CYRIB: variants seen among roughly 807,000 people sequenced by gnomAD.
CYRIB encodes CYFIP related Rac1 interactor B.
Under a neutral mutation model 44.2 loss-of-function variants are expected in CYRIB, and 8 were observed. The observed-to-expected ratio is 0.18, with a 90% CI of 0.11 to 0.33. The LOEUF (loss-of-function observed/expected upper bound fraction) is 0.33, where lower values mean the gene tolerates loss of function less well. CYRIB is among the 10% of genes least tolerant of loss of function. CYRIB has a pLI of 1.00. For synonymous variants in CYRIB, 131 were observed against 127.2 expected, an observed-to-expected ratio of 1.03 and a Z score of -0.20; for missense variants, 185 against 382.8, an observed-to-expected ratio of 0.48 and a Z score of 4.31.
intron 3 of CYRIB, among the ~76,000 whole-genome samples, chr8:129,874,626 A>AT (rs901399773): frequency 1.3e-5 from 2 of 152,100 alleles, no homozygotes; most frequent in African/African-American, 4.8e-5. Context: ...TCTGTAATAC[A>AT]TTTTGAATGA....
chr8:129,985,671 T>C (rs963490496), intron 1 of CYRIB, among the ~76,000 whole-genome samples: 1 of 151,362 alleles, frequency 6.6e-6, no homozygotes, highest in South Asian at 2.1e-4. Flanking sequence ...TCAGAGCAAA[T>C]AGAGTGAGTG....
At chr8:129,931,640 T>C (rs928864698) in intron 1 of CYRIB, among the ~76,000 whole-genome samples, 1 of 152,168 alleles carries the variant, frequency 6.6e-6, no homozygotes, top group African/African-American at 2.4e-5. Flanking sequence ...AGGAACTTTT[T>C]TTTTGAGACA....
At chr8:129,847,683 T>C (rs1163785832) in intron 10 of CYRIB, among the ~76,000 whole-genome samples, 1 of 152,174 alleles carries the variant, frequency 6.6e-6, no homozygotes, top group Non-Finnish European at 1.5e-5. Flanking sequence ...TTTTAAAAGG[T>C]AACCACTTGA....
chr8:129,909,033 C>T (rs562787795), intron 1 of CYRIB, among the ~76,000 whole-genome samples: 1 of 152,174 alleles, frequency 6.6e-6, no homozygotes, highest in Non-Finnish European at 1.5e-5. Context: ...CTAAAGCAAT[C>T]CCCCCATCTC....
chr8:129,842,576 G>A (rs1019671880), intron 11 of CYRIB, among the ~76,000 whole-genome samples: 1 of 152,204 alleles, frequency 6.6e-6, no homozygotes, highest in African/African-American at 2.4e-5. Context: ...TGGACTGTGA[G>A]CTAATTCTAT....
At chr8:129,893,317 A>G (rs1308611514) in intron 2 of CYRIB, among the ~76,000 whole-genome samples, 1 of 152,244 alleles carries the variant, frequency 6.6e-6, no homozygotes, top group Non-Finnish European at 1.5e-5. Flanking sequence ...AATACTGAAT[A>G]TCTGGTGCTG....
chr8:129,883,338 A>C (rs1217717470), intron 2 of CYRIB, among the ~76,000 whole-genome samples: 1 of 151,924 alleles, frequency 6.6e-6, no homozygotes, highest in Non-Finnish European at 1.5e-5. Flanking sequence ...AGATACCGCC[A>C]AATATCTCCT....
chr8:129,888,256 C>T (rs1272055060), intron 2 of CYRIB, among the ~76,000 whole-genome samples: 4 of 152,158 alleles, frequency 2.6e-5, no homozygotes, highest in South Asian at 4.1e-4. Context: ...CCATGTAAGA[C>T]GTGCCACCTT....
At position 129,855,598 on chromosome 8, in the gene CYRIB, T is replaced by C. The variant is rs374178710; in HGVS notation, c.438+13A>G. 1.2e-5 allele frequency: 20 copies of C among 1,613,770 alleles called. No homozygotes were observed. The highest frequency in any genetic ancestry group is 1.6e-4 in the Middle Eastern group (1 of 6,076). The stretch of plus-strand genomic sequence containing the variant: ...TGATTTTCGTAACAATCAGGGCCAA[T>C]AGATAATTCTACCTTGAGTTCATCA... On this transcript the variant is annotated intron_variant, in intron 6 of 11. Coordinates refer to ENST00000519824, the Ensembl canonical transcript of CYRIB.
intron 1 of CYRIB, among the ~76,000 whole-genome samples, chr8:129,923,340 T>C (rs1224880517): frequency 6.7e-6 from 1 of 150,062 alleles, no homozygotes; most frequent in Non-Finnish European, 1.5e-5. Context: ...AATGGTACAA[T>C]CTCGGCTCAC....
chr8:129,851,510 A>T (rs2043230684), intron 8 of CYRIB: 1 of 152,468 alleles, frequency 6.6e-6, no homozygotes, highest in Non-Finnish European at 1.5e-5. Flanking sequence ...GAGGTATAGA[A>T]AGGAATTTAG....
intron 10 of CYRIB, chr8:129,847,414 A>C (rs186587209): frequency 6.6e-6 from 1 of 152,478 alleles, no homozygotes; most frequent in Non-Finnish European, 1.5e-5. Context: ...CAGTGAGCCG[A>C]GATCGCACTA....
At chr8:129,852,886 T>C (rs941626481) in intron 7 of CYRIB, among the ~76,000 whole-genome samples, 2 of 152,220 alleles carry the variant, frequency 1.3e-5, no homozygotes, top group Non-Finnish European at 2.9e-5. Flanking sequence ...ATATTTTTCT[T>C]CCATGTGGAA....
chr8:129,961,298 C>G (rs186536059), intron 2 of CYRIB, among the ~76,000 whole-genome samples: 1 of 152,256 alleles, frequency 6.6e-6, no homozygotes, highest in East Asian at 1.9e-4. Context: ...GGTTCAGAAA[C>G]GGGAGTCATC....
intron 1 of CYRIB, among the ~76,000 whole-genome samples, chr8:129,933,026 G>A (rs1468020187): frequency 6.6e-6 from 1 of 152,094 alleles, no homozygotes; most frequent in African/African-American, 2.4e-5. Context: ...AACAATAAGG[G>A]CAACAAGCCC....
At chr8:130,003,249 A>C (rs2096949749) in intron 1 of CYRIB, among the ~76,000 whole-genome samples, 1 of 152,198 alleles carries the variant, frequency 6.6e-6, no homozygotes, top group African/African-American at 2.4e-5. Context: ...CTGAGCTAAA[A>C]ATCTTTATGC....
chr8:129,874,550 T>C (rs1472317469), intron 3 of CYRIB, among the ~76,000 whole-genome samples: 2 of 152,080 alleles, frequency 1.3e-5, no homozygotes, highest in African/African-American at 2.4e-5. Context: ...GTAAGTTACA[T>C]CAAGACAGAG....
rs113460008 is a variant in CYRIB at position 129,886,301 on chromosome 8, G to A, written c.-10-6830C>T. 8.9e-3 allele frequency among the ~76,000 whole-genome samples: 1,359 copies of A among 152,268 alleles called. 18 individuals carry two copies. Among genetic ancestry groups the A allele is most frequent in the African/African-American group, 0.031 (1,287 of 41,534 alleles). ...CACACTTCAACTTACTGAACTAGCAGCTCTTGACCCAGTTATCACCCACGC... is the reference window on the plus strand; with the variant it reads ...CACACTTCAACTTACTGAACTAGCAACTCTTGACCCAGTTATCACCCACGC... On this transcript the variant is annotated intron_variant, in intron 2 of 11. Coordinates refer to ENST00000519824, the Ensembl canonical transcript of CYRIB.
At chr8:129,999,242 C>T (rs1418176236) in intron 1 of CYRIB, among the ~76,000 whole-genome samples, 1 of 152,192 alleles carries the variant, frequency 6.6e-6, no homozygotes, top group African/African-American at 2.4e-5. Flanking sequence ...TGACAACACC[C>T]TCCAGGCATG....
Sources: allele counts gnomAD v4.1 joint callset (sites outside exome capture counted in the v4.1 genomes callset), GRCh38; gene constraint gnomAD v4.1.1; transcripts MANE v1.5; gene names NCBI Gene and HGNC (gene_info 2026-07-23, HGNC 2026-07-21).